The following DHRSX variants were observed in gnomAD, a reference collection of about 807,000 sequenced individuals.
DHRSX encodes polyprenol dehydrogenase.
In DHRSX, 31 loss-of-function variants were observed where a neutral mutation model predicts 34.0. The observed-to-expected ratio is 0.91, with a 90% confidence interval of 0.69 to 1.23. DHRSX has a LOEUF of 1.23. DHRSX is among the 50% of genes most tolerant of loss of function. The pLI, the probability that DHRSX is intolerant of heterozygous loss-of-function variation, is 0.00. For synonymous variants in DHRSX, 201 were observed against 183.8 expected (o/e 1.09, Z -0.76); for missense variants, 414 against 428.1 (o/e 0.97, Z 0.29).
At chrX:2,298,861 T>C (rs1050103342) in intron 3 of DHRSX, among the ~76,000 whole-genome samples, 26 of 152,026 alleles carry the variant, frequency 1.7e-4, no homozygotes, top group Middle Eastern at 6.8e-3. Flanking sequence ...GGCACATGCC[T>C]GTAATCCCAG....
intron 6 of DHRSX, among the ~76,000 whole-genome samples, chrX:2,228,665 C>A (rs1219226199): frequency 6.6e-6 from 1 of 151,848 alleles, no homozygotes; most frequent in East Asian, 2.0e-4. Context: ...ATTCTGATTT[C>A]TAAGATAAGG....
chrX:2,358,513 C>T (rs974151527), intron 3 of DHRSX, among the ~76,000 whole-genome samples: 34 of 152,060 alleles, frequency 2.2e-4, no homozygotes, highest in African/African-American at 7.2e-4. Flanking sequence ...CTGGCTAACA[C>T]GGTGAAACCC....
At position 2,221,731 on chromosome X, in the gene DHRSX, G is replaced by A. The variant is rs146370556; in HGVS notation, c.805-502C>T. On this transcript the variant is annotated intron_variant, in intron 6 of 6. Coordinates refer to ENST00000334651, the MANE Select transcript of DHRSX (RefSeq NM_145177.3). ...GATCGTATGTTTCATGGAAACAGAC[G>A]TTTCAAAAAGGAACTTGAGATGCAG... Among the ~76,000 whole-genome samples the A allele has an allele frequency of 2.2e-4, 33 of 152,268 alleles. 1 individual carries two copies. Among genetic ancestry groups the A allele is most frequent in the East Asian group, 5.8e-4 (3 of 5,178 alleles).
intron 5 of DHRSX, among the ~76,000 whole-genome samples, chrX:2,246,764 A>G (rs867910594): frequency 6.8e-6 from 1 of 146,576 alleles, no homozygotes. Context: ...GAAAGAAAAT[A>G]AAAGAATAGA....
intron 1 of DHRSX, among the ~76,000 whole-genome samples, chrX:2,482,130 T>C (rs1263027966): frequency 1.5e-5 from 1 of 67,434 alleles, no homozygotes; most frequent in Non-Finnish European, 3.2e-5. Context: ...CACGTCTGGC[T>C]TTTTTTTTTT....
At chrX:2,440,958 T>C (rs1377208307) in intron 1 of DHRSX, among the ~76,000 whole-genome samples, 1 of 152,158 alleles carries the variant, frequency 6.6e-6, no homozygotes, top group African/African-American at 2.4e-5. Flanking sequence ...CTGTCCTGAC[T>C]GAGGCAGCCG....
At chrX:2,437,987 G>A (rs2044015241) in intron 1 of DHRSX, among the ~76,000 whole-genome samples, 1 of 144,980 alleles carries the variant, frequency 6.9e-6, no homozygotes, top group South Asian at 2.3e-4. Context: ...ACGAGCCTGT[G>A]TGCTATTGGA....
chrX:2,404,493 G>A (rs1795999460), intron 3 of DHRSX, among the ~76,000 whole-genome samples: 1 of 152,286 alleles, frequency 6.6e-6, no homozygotes, highest in South Asian at 2.1e-4. Flanking sequence ...AAGAGAAAGA[G>A]TTGAAGTCCA....
chrX:2,235,880 G>A (rs1437707606), intron 6 of DHRSX, among the ~76,000 whole-genome samples: 14 of 150,106 alleles, frequency 9.3e-5, no homozygotes, highest in African/African-American at 3.4e-4. Context: ...TTGGGAGACC[G>A]AGGCGGGCGG....
intron 3 of DHRSX, among the ~76,000 whole-genome samples, chrX:2,294,072 A>AGAG (rs1569484762): frequency 4.2e-5 from 5 of 118,922 alleles, no homozygotes; most frequent in African/African-American, 1.6e-4. Context: ...GAGAGAGAGA[A>AGAG]AGAGAGAAAG....
intron 3 of DHRSX, among the ~76,000 whole-genome samples, chrX:2,324,135 T>G (rs1347759763): frequency 6.6e-6 from 1 of 152,128 alleles, no homozygotes; most frequent in South Asian, 2.1e-4. Context: ...TCTGCTTTGT[T>G]GGTGATTTCT....
intron 3 of DHRSX, among the ~76,000 whole-genome samples, chrX:2,331,741 C>T (rs1457283799): frequency 1.3e-5 from 2 of 152,040 alleles, no homozygotes; most frequent in Non-Finnish European, 2.9e-5. Flanking sequence ...TGAGCCACCA[C>T]GCCCGGCCCT....
At chrX:2,311,504 C>T (rs1490274812) in intron 3 of DHRSX, among the ~76,000 whole-genome samples, 1 of 152,084 alleles carries the variant, frequency 6.6e-6, no homozygotes, top group Non-Finnish European at 1.5e-5. Flanking sequence ...TTAAAGTTGT[C>T]CTCTGACTCC....
At chrX:2,360,975 CTT>C (rs1262020252) in intron 3 of DHRSX, among the ~76,000 whole-genome samples, 4 of 152,116 alleles carry the variant, frequency 2.6e-5, no homozygotes, top group African/African-American at 7.2e-5. Flanking sequence ...GCTTTTCCCT[CTT>C]TGTGTGTTTA....
chrX:2,227,213 C>CA (rs2015687214), intron 6 of DHRSX, among the ~76,000 whole-genome samples: 1 of 151,914 alleles, frequency 6.6e-6, no homozygotes, highest in African/African-American at 2.4e-5. Flanking sequence ...GGGAACAACT[C>CA]AGTGTCATCA....
intron 1 of DHRSX, among the ~76,000 whole-genome samples, chrX:2,485,441 G>C (rs1206814714): frequency 1.4e-5 from 2 of 147,194 alleles, no homozygotes; most frequent in Non-Finnish European, 2.9e-5. Context: ...CGGCCTTCCT[G>C]TGTTTCTTGG....
At chrX:2,478,700 G>T (rs2044720502) in intron 1 of DHRSX, among the ~76,000 whole-genome samples, 1 of 151,748 alleles carries the variant, frequency 6.6e-6, no homozygotes, top group Non-Finnish European at 1.5e-5. Context: ...CCCTAAGAAT[G>T]TGGCCAAGGG....
chrX:2,449,689 G>T (rs2044189768), intron 1 of DHRSX, among the ~76,000 whole-genome samples: 1 of 152,088 alleles, frequency 6.6e-6, no homozygotes, highest in African/African-American at 2.4e-5. Context: ...TTTAGACACA[G>T]CACCTCTCGC....
At chrX:2,304,022 CTGAT>C (rs1465380518) in intron 3 of DHRSX, among the ~76,000 whole-genome samples, 3 of 43,302 alleles carry the variant, frequency 6.9e-5, no homozygotes, top group African/African-American at 1.2e-4. Flanking sequence ...GATGGATGAA[CTGAT>C]GGATGGATGG....
Sources: gnomAD v4.1 joint callset for allele counts (sites outside exome capture counted in the v4.1 genomes callset) on GRCh38, gnomAD v4.1.1 for gene constraint, MANE v1.5 for transcripts, NCBI Gene and HGNC (gene_info 2026-07-23, HGNC 2026-07-21) for gene names.